Variants in UGGT2 observed in about 807,000 individuals in gnomAD.
The protein encoded by UGGT2 is UDP-glucose glycoprotein glucosyltransferase 2.
A neutral mutation model predicts 192.1 loss-of-function variants in UGGT2; 180 were observed. The ratio of observed to expected loss-of-function variants is 0.94; its 90% CI spans 0.83 to 1.06. The LOEUF (loss-of-function observed/expected upper bound fraction) is 1.06. Ranked by LOEUF, UGGT2 falls within the 50% of genes least tolerant of loss-of-function variation. The pLI is 0.00. For synonymous variants in UGGT2, 580 were observed against 591.0 expected (o/e 0.98, Z 0.27); for missense variants, 1,849 against 1,795.7 (o/e 1.03, Z -0.54).
At chr13:95,824,923 A>G (rs964509408) in intron 38 of UGGT2, among the ~76,000 whole-genome samples, 3 of 151,926 alleles carry the variant, frequency 2.0e-5, no homozygotes, top group African/African-American at 7.3e-5. Context: ...ATTGTTCTTT[A>G]TTTTTTATTT....
chr13:95,830,584 G>T (rs908913335), intron 38 of UGGT2, among the ~76,000 whole-genome samples: 1 of 152,060 alleles, frequency 6.6e-6, no homozygotes, highest in East Asian at 1.9e-4. Flanking sequence ...ATGAGATACT[G>T]TCTCACACCA....
intron 20 of UGGT2, among the ~76,000 whole-genome samples, chr13:95,908,280 A>G (rs2048358055): frequency 6.6e-6 from 1 of 152,250 alleles, no homozygotes; most frequent in Admixed American, 6.5e-5. Context: ...TGACTGGTGT[A>G]CCTGAAAGTG....
Position 95,856,238 on chromosome 13 carries a change from T to G in UGGT2, c.3928A>C (p.Ile1310Leu). 1 of 1,613,676 alleles carries G rather than the reference T, an allele frequency of 6.2e-7. No individual in the cohort carries two copies. The highest frequency in any genetic ancestry group is 8.5e-7 in the Non-Finnish European group (1 of 1,179,784). The change falls in exon 34 of 39, where the codon ATT becomes CTT. Residue 1310 changes from isoleucine (I) to leucine (L), a missense_variant. By Grantham distance (5) the Ile-to-Leu change is conservative. Coordinates refer to ENST00000376747, the MANE Select transcript of UGGT2 (RefSeq NM_020121.4). ...AGGAAAAGAATTTTGTAACCCCAAA[T>G]AATCCTCTGTCTTTCAGTCTGTTGA... ...LRQQTERQRI[I>L]WGYKILFLDV...
intron 20 of UGGT2, among the ~76,000 whole-genome samples, chr13:95,909,983 G>C (rs1185199963): frequency 6.6e-6 from 1 of 151,956 alleles, no homozygotes; most frequent in Non-Finnish European, 1.5e-5. Context: ...TTAATATCCA[G>C]CCAAACTAAT....
chr13:96,031,219 A>T (rs566141830), intron 2 of UGGT2, among the ~76,000 whole-genome samples: 3 of 152,366 alleles, frequency 2.0e-5, no homozygotes, highest in Non-Finnish European at 4.4e-5. Context: ...CTCTAAAAAA[A>T]TTAAGTCTAC....
At chr13:95,907,694 G>A (rs186252927) in intron 20 of UGGT2, among the ~76,000 whole-genome samples, 1 of 151,978 alleles carries the variant, frequency 6.6e-6, no homozygotes, top group East Asian at 1.9e-4. Flanking sequence ...GAAAGGAATA[G>A]CATCAACATC....
intron 33 of UGGT2, among the ~76,000 whole-genome samples, 194 bp downstream of exon 33, chr13:95,859,396 AC>A (rs1889936618): frequency 6.6e-6 from 1 of 152,136 alleles, no homozygotes; most frequent in African/African-American, 2.4e-5. Flanking sequence ...TTAAAAATAT[AC>A]AGTCTTCTGT....
chr13:95,924,010 T>G (rs1349221995), intron 20 of UGGT2, among the ~76,000 whole-genome samples: 3 of 152,174 alleles, frequency 2.0e-5, no homozygotes, highest in African/African-American at 4.8e-5. Context: ...GATTAGACAA[T>G]GATTATCTTT....
chr13:95,854,265 A>G (rs1341775913), intron 35 of UGGT2, 50 bp downstream of exon 35: 3 of 1,541,422 alleles, frequency 1.9e-6, no homozygotes, highest in Non-Finnish European at 2.6e-6. Context: ...GAAAGTTGCA[A>G]TTCAATACAT....
chr13:95,926,744 A>T (rs7330135), intron 19 of UGGT2, among the ~76,000 whole-genome samples: 10,991 of 152,200 alleles, frequency 0.072, 683 homozygotes, highest in African/African-American at 0.16. Flanking sequence ...TTTTCTGTAT[A>T]CATTATAAGA....
chr13:96,051,303 TG>T (rs1252350900), intron 1 of UGGT2, among the ~76,000 whole-genome samples: 3 of 151,774 alleles, frequency 2.0e-5, no homozygotes, highest in African/African-American at 7.3e-5. Flanking sequence ...GGACACACAA[TG>T]GGGAACATCA....
chr13:95,877,264 G>C lies in UGGT2; in HGVS notation c.3473+15C>G, dbSNP rs1251873898. On this transcript the variant is annotated intron_variant, in intron 29 of 38. Coordinates refer to ENST00000376747, the MANE Select transcript of UGGT2 (RefSeq NM_020121.4). Reference sequence around the variant, plus strand: ...ATTTATGTGTAAAAATTTAAAAGCAGCCTGCATAACTCACCCAACTATTTG... The same window carrying C: ...ATTTATGTGTAAAAATTTAAAAGCACCCTGCATAACTCACCCAACTATTTG... 6.5e-7 allele frequency: 1 copy of C among 1,549,260 alleles called. No individual in the cohort carries two copies. The highest frequency in any genetic ancestry group is 8.7e-7 in the Non-Finnish European group (1 of 1,151,862).
chr13:95,813,090 T>C (rs1267574281), intron 38 of UGGT2, among the ~76,000 whole-genome samples: 1 of 152,150 alleles, frequency 6.6e-6, no homozygotes, highest in Non-Finnish European at 1.5e-5. Context: ...AGTGCAAGAA[T>C]GGCCTAATAC....
Position 95,939,948 on chromosome 13 carries a change from C to T in UGGT2, c.1812+9G>A. 1 of 1,590,534 alleles carries T rather than the reference C, an allele frequency of 6.3e-7. No individual in the cohort carries two copies. Among genetic ancestry groups the T allele is most frequent in the African/African-American group, 1.4e-5 (1 of 73,548 alleles). On this transcript the variant is annotated intron_variant, in intron 16 of 38. Transcript: ENST00000376747. Reference sequence around the variant, plus strand: ...GGCCTACTCCACTTAACATAATGTCCCAACTTACCTTTCTTTCTTCATCAT... The same window carrying T: ...GGCCTACTCCACTTAACATAATGTCTCAACTTACCTTTCTTTCTTCATCAT...
intron 37 of UGGT2, among the ~76,000 whole-genome samples, chr13:95,834,166 TA>T (rs976463894): frequency 3.9e-5 from 6 of 152,106 alleles, no homozygotes; most frequent in African/African-American, 9.7e-5. Context: ...GTCATACTAT[TA>T]AAAAAATAAA....
chr13:95,953,820 T>C (rs1271881217), intron 12 of UGGT2, among the ~76,000 whole-genome samples: 4 of 152,076 alleles, frequency 2.6e-5, no homozygotes, highest in Admixed American at 1.3e-4. Context: ...GGGGGTAGTG[T>C]TTAAAGAATA....
chr13:95,859,681 T>A lies in UGGT2; in HGVS notation c.3741-6A>T, dbSNP rs1139934. ...AAACAGAAAGCATCATAATTCTGTA[T>A]AAAAGAATATTAAACCCAATATACA... is the stretch of plus-strand genomic sequence containing the variant. On this transcript the variant is annotated splice_polypyrimidine_tract_variant and splice_region_variant and intron_variant, in intron 32 of 38. Coordinates refer to ENST00000376747, the MANE Select transcript of UGGT2 (RefSeq NM_020121.4). The A allele has an allele frequency of 6.3e-7, 1 of 1,598,652 alleles. No homozygotes were observed. The highest frequency in any genetic ancestry group is 8.5e-7 in the Non-Finnish European group (1 of 1,171,066).
rs780009418 is a variant in UGGT2, at chr13:95,853,658, C to T, written c.4170-1G>A. The stretch of plus-strand genomic sequence containing the variant: ...CTTGAGATCCACTACATATAAAGCA[C>T]TGCAAAAATGAATTACTTCTTGATA... On this transcript the variant is annotated splice_acceptor_variant, in intron 35 of 38. Transcript: ENST00000376747. LOFTEE classifies it high-confidence loss of function. The T allele has an allele frequency of 4.3e-5, 67 of 1,541,658 alleles. No homozygotes were observed. In the East Asian group the frequency reaches 1.5e-3, roughly 35 times the overall value.
chr13:96,009,880 G>T (rs139020848), intron 5 of UGGT2, among the ~76,000 whole-genome samples: 1 of 152,178 alleles, frequency 6.6e-6, no homozygotes, highest in Non-Finnish European at 1.5e-5. Flanking sequence ...TGGCCAAAAA[G>T]CATATAAAAA....
Sources: gnomAD v4.1 joint callset for allele counts (sites outside exome capture counted in the v4.1 genomes callset) on GRCh38, gnomAD v4.1.1 for gene constraint, MANE v1.5 for transcripts, NCBI Gene and HGNC (gene_info 2026-07-23, HGNC 2026-07-21) for gene names.